Variants in LDLRAD4 observed in about 807,000 individuals in gnomAD.
The protein encoded by LDLRAD4 is low density lipoprotein receptor class A domain containing 4, also known as low-density lipoprotein receptor class A domain-containing protein 4.
LDLRAD4 carries 5 observed loss-of-function variants against 17.0 expected under a neutral mutation model. The observed-to-expected ratio is 0.29, with a 90% CI of 0.15 to 0.62. The LOEUF (loss-of-function observed/expected upper bound fraction) is 0.62, where lower values mean the gene tolerates loss of function less well. Among genes scored for constraint, LDLRAD4 ranks in the 20% least tolerant of loss-of-function variants. The pLI, the probability that LDLRAD4 is intolerant of heterozygous loss-of-function variation, is 0.84. For missense variants in LDLRAD4, 340 were observed against 424.7 expected (o/e 0.80, Z 1.75); for synonymous variants, 168 against 171.8 (o/e 0.98, Z 0.17).
chr18:13,269,013 G>T (rs1366430227), intron 1 of LDLRAD4, among the ~76,000 whole-genome samples: 1 of 152,216 alleles, frequency 6.6e-6, no homozygotes, highest in Non-Finnish European at 1.5e-5. Context: ...GTTTTTGTTT[G>T]ATTGAAATTG....
chr18:13,621,815 G>A lies in LDLRAD4; in HGVS notation c.336+544G>A, dbSNP rs187714997. 5.9e-5 allele frequency among the ~76,000 whole-genome samples: 9 copies of A among 152,000 alleles called. No individual in the cohort carries two copies. The highest frequency in any genetic ancestry group is 3.9e-4 in the East Asian group (2 of 5,168). On this transcript the variant is annotated intron_variant, in intron 4 of 5. Transcript: ENST00000359446. The surrounding 1 kb of genome is among the most constrained non-coding windows in gnomAD (Gnocchi z 5.5). ...GGTTGTTGGCGGTGGGCTTGTCAGC[G>A]GTGGGCTTGTCGGCGGTAGGGTTGT... is the stretch of plus-strand genomic sequence containing the variant.
At chr18:13,287,621 G>A (rs1177706484) in intron 1 of LDLRAD4, among the ~76,000 whole-genome samples, 1 of 152,196 alleles carries the variant, frequency 6.6e-6, no homozygotes, top group African/African-American at 2.4e-5. Context: ...CTGCCCTCAG[G>A]TTATGGGGTG....
At position 13,639,864 on chromosome 18, in the gene LDLRAD4, CTGG is replaced by C. The variant is rs2042377107; in HGVS notation, c.337-3489_337-3487del. On this transcript the variant is annotated intron_variant, in intron 4 of 5. Transcript: ENST00000359446. ...TATACCTCAATAAAGCTGGAAAAAA[CTGG>C]TGGTGATAGAGGAAAGTGCTTATGT... 4.6e-5 allele frequency among the ~76,000 whole-genome samples: 7 copies of C among 152,178 alleles called. No individual in the cohort carries two copies. In the South Asian group the frequency reaches 1.5e-3, roughly 32 times the overall value.
intron 2 of LDLRAD4, among the ~76,000 whole-genome samples, chr18:13,405,409 G>A (rs2087638603): frequency 6.6e-6 from 1 of 152,000 alleles, no homozygotes; most frequent in Middle Eastern, 3.4e-3. Context: ...CTACAAGTTC[G>A]TTGCCACCAT....
chr18:13,351,189 G>A (rs1222685183), intron 1 of LDLRAD4, among the ~76,000 whole-genome samples: 1 of 152,108 alleles, frequency 6.6e-6, no homozygotes, highest in East Asian at 1.9e-4. Flanking sequence ...AGTTTGATGG[G>A]AATAATATTG....
Position 13,440,834 on chromosome 18 carries a change from C to A in LDLRAD4, c.181+2450C>A, listed in dbSNP as rs2090977237. On this transcript the variant is annotated intron_variant, in intron 3 of 5. Coordinates refer to ENST00000359446, the Ensembl canonical transcript of LDLRAD4. The surrounding 1 kb of genome is among the most constrained non-coding windows in gnomAD (Gnocchi z 4.4). ...GTATGGTTTATCTGTAATGTCAGAG[C>A]CATTGTGTACACGGAGCAGGAATTC... Among the ~76,000 whole-genome samples, 1 of 152,202 alleles carries A rather than the reference C, an allele frequency of 6.6e-6. No homozygotes were observed. The highest frequency in any genetic ancestry group is 6.5e-5 in the Admixed American group (1 of 15,274).
chr18:13,592,065 A>G (rs2095036737), intron 3 of LDLRAD4, among the ~76,000 whole-genome samples: 2 of 152,262 alleles, frequency 1.3e-5, no homozygotes, highest in African/African-American at 4.8e-5. Context: ...CTTCTGAATT[A>G]TAACCTTCGA....
chr18:13,386,958 G>A lies in LDLRAD4; in HGVS notation c.-382-383G>A, dbSNP rs71363157. ...TAGATAGATAGATAGATGGATGGAT[G>A]GATAGATAAGATAGATAGATAGAAT... On this transcript the variant is annotated intron_variant, in intron 1 of 5. Transcript: ENST00000359446. Among the ~76,000 whole-genome samples the A allele has an allele frequency of 1.0e-4, 12 of 114,734 alleles. No homozygotes were observed. In the East Asian group the frequency reaches 2.1e-3, roughly 20 times the overall value. The allele number at this position is 114,734 out of a possible 152,430, so 75.3% of individuals were successfully genotyped here.
At chr18:13,406,775 C>T (rs1200380570) in intron 2 of LDLRAD4, among the ~76,000 whole-genome samples, 1 of 152,146 alleles carries the variant, frequency 6.6e-6, no homozygotes, top group African/African-American at 2.4e-5. Context: ...CAGTGGTCCC[C>T]TCATGCACCT....
chr18:13,630,331 T>G (rs1173875084), intron 4 of LDLRAD4, among the ~76,000 whole-genome samples: 1 of 152,098 alleles, frequency 6.6e-6, no homozygotes, highest in Non-Finnish European at 1.5e-5. Context: ...GGTACTGGCC[T>G]CACATCCAGG....
chr18:13,563,270 C>T (rs1267064174), intron 3 of LDLRAD4, among the ~76,000 whole-genome samples: 1 of 152,132 alleles, frequency 6.6e-6, no homozygotes, highest in Non-Finnish European at 1.5e-5. Flanking sequence ...ATCCATAGAG[C>T]GTTTTTTAGG....
intron 3 of LDLRAD4, among the ~76,000 whole-genome samples, chr18:13,473,633 T>A (rs1398828268): frequency 2.2e-5 from 1 of 44,528 alleles, no homozygotes; most frequent in Non-Finnish European, 4.6e-5. Flanking sequence ...TAAGATCCCA[T>A]CTCATATATA....
rs1243445607 is a variant in LDLRAD4, at chr18:13,398,805, C to G, written c.40+11043C>G. Among the ~76,000 whole-genome samples the G allele has an allele frequency of 2.6e-5, 4 of 152,200 alleles. No homozygotes were observed. The highest frequency in any genetic ancestry group is 5.9e-5 in the Non-Finnish European group (4 of 68,038). ...CCAGGCCCTGCCAGTGACCAGCCCA[C>G]CCTCCCCGGGGGCACTATAGCAACC... On this transcript the variant is annotated intron_variant, in intron 2 of 5. Coordinates refer to ENST00000359446, the Ensembl canonical transcript of LDLRAD4. This position sits in a 1 kb window ranked among gnomAD's most constrained non-coding sequence, Gnocchi z 4.8.
intron 3 of LDLRAD4, among the ~76,000 whole-genome samples, chr18:13,449,849 C>G (rs4992343): frequency 0.7 from 106,219 of 152,060 alleles, 37,582 homozygotes; most frequent in East Asian, 0.82. Context: ...CAGCTGTTCT[C>G]CCTGTCTGGG....
chr18:13,324,141 AT>A (rs59296910), intron 1 of LDLRAD4, among the ~76,000 whole-genome samples: 53,516 of 145,132 alleles, frequency 0.37, 10,127 homozygotes, highest in African/African-American at 0.51. Flanking sequence ...TCAAGTGTCT[AT>A]TTTTTTTTTT....
chr18:13,504,326 T>C (rs2093657697), intron 3 of LDLRAD4, among the ~76,000 whole-genome samples: 1 of 152,260 alleles, frequency 6.6e-6, no homozygotes, highest in South Asian at 2.1e-4. Flanking sequence ...ATGAAGACCA[T>C]GGCTTTTAAG....
chr18:13,609,595 C>A lies in LDLRAD4; in HGVS notation c.182-11522C>A, dbSNP rs949042945. ...AATGTTTTCAAAGTAAACTTGTATT[C>A]ATAAAGTCAAAAGTTTTGAAAGTGG... is the stretch of plus-strand genomic sequence containing the variant. On this transcript the variant is annotated intron_variant, in intron 3 of 5. Coordinates refer to ENST00000359446, the Ensembl canonical transcript of LDLRAD4. 3.9e-5 allele frequency among the ~76,000 whole-genome samples: 6 copies of A among 152,048 alleles called. No homozygotes were observed. The East Asian group carries it at 1.2e-3, about 29-fold the overall frequency.
chr18:13,573,849 C>T (rs1005070827), intron 3 of LDLRAD4, among the ~76,000 whole-genome samples: 11 of 152,186 alleles, frequency 7.2e-5, no homozygotes, highest in Non-Finnish European at 1.3e-4. Context: ...AGACCACAGA[C>T]ACAGATCCTG....
intron 3 of LDLRAD4, among the ~76,000 whole-genome samples, chr18:13,480,324 T>C (rs1017745288): frequency 2.6e-5 from 4 of 152,204 alleles, no homozygotes; most frequent in Non-Finnish European, 4.4e-5. Context: ...GTCTGAAAGC[T>C]ACGTACAGTG....
Sources: allele counts gnomAD v4.1 joint callset (sites outside exome capture counted in the v4.1 genomes callset), GRCh38; gene constraint gnomAD v4.1.1; non-coding constraint Gnocchi (gnomAD v3.1); transcripts MANE v1.5; gene names NCBI Gene and HGNC (gene_info 2026-07-23, HGNC 2026-07-21).